ADARB2: variants seen among roughly 807,000 people sequenced by gnomAD.
ADARB2 encodes the protein inactive double-stranded RNA-specific editase B2.
In ADARB2, 25 loss-of-function variants were observed where a neutral mutation model predicts 62.2. The ratio of observed to expected loss-of-function variants is 0.40; its 90% CI spans 0.29 to 0.56. ADARB2 has a LOEUF of 0.56. Ranked by LOEUF, ADARB2 falls within the 20% of genes least tolerant of loss-of-function variation. The pLI, the probability that ADARB2 is intolerant of heterozygous loss-of-function variation, is 0.43. For synonymous variants in ADARB2, 572 were observed against 500.8 expected, an observed-to-expected ratio of 1.14 and a Z score of -1.90; for missense variants, 1,071 against 1,077.4, an observed-to-expected ratio of 0.99 and a Z score of 0.08.
At chr10:1,709,824 G>C (rs1371894288) in intron 1 of ADARB2, among the ~76,000 whole-genome samples, 1 of 152,198 alleles carries the variant, frequency 6.6e-6, no homozygotes, top group African/African-American at 2.4e-5. Context: ...TAGCAGCTCA[G>C]CTGTGTTATT....
rs1194149703 is a variant in ADARB2, at chr10:1,704,244, C to T, written c.100+32807G>A. 1.3e-5 allele frequency among the ~76,000 whole-genome samples: 2 copies of T among 152,106 alleles called. No individual in the cohort carries two copies. The highest frequency in any genetic ancestry group is 4.8e-5 in the African/African-American group (2 of 41,426). On this transcript the variant is annotated intron_variant, in intron 1 of 9. Transcript: ENST00000381312. This position sits in a 1 kb window ranked among gnomAD's most constrained non-coding sequence, Gnocchi z 5.6. ...ATTCAAGCACATTATATTTATTGTG[C>T]ACTTTATTTCTATTAATATTACATT...
intron 1 of ADARB2, among the ~76,000 whole-genome samples, chr10:1,581,135 C>T (rs1252145925): frequency 2.6e-5 from 4 of 152,328 alleles, no homozygotes; most frequent in Non-Finnish European, 4.4e-5. Context: ...TCTATATCCT[C>T]GCCAATACAC....
intron 1 of ADARB2, among the ~76,000 whole-genome samples, chr10:1,547,481 C>T (rs1170885628): frequency 1.3e-4 from 3 of 22,692 alleles, no homozygotes; most frequent in Admixed American, 7.1e-4. Flanking sequence ...GCTGCACTGG[C>T]GTATGCACTG....
chr10:1,563,574 C>A (rs1404321926), intron 1 of ADARB2, among the ~76,000 whole-genome samples: 1 of 152,128 alleles, frequency 6.6e-6, no homozygotes, highest in African/African-American at 2.4e-5. Context: ...AAACAGAAGG[C>A]TGACTTGAGG....
Position 1,390,640 on chromosome 10 carries a change from C to T in ADARB2, c.101-11480G>A, listed in dbSNP as rs567029802. ...CCTCTACTTATCGGACTTTGGGTTT[C>T]CGTTTTCTTTTTTATTCCCCCTATT... is the stretch of plus-strand genomic sequence containing the variant. On this transcript the variant is annotated intron_variant, in intron 1 of 9. Coordinates refer to ENST00000381312, the MANE Select transcript of ADARB2 (RefSeq NM_018702.4). Among the ~76,000 whole-genome samples the T allele has an allele frequency of 3.3e-5, 5 of 152,262 alleles. No homozygotes were observed. In the South Asian group the frequency reaches 1.0e-3, roughly 32 times the overall value.
intron 1 of ADARB2, among the ~76,000 whole-genome samples, chr10:1,413,147 A>G (rs1399238507): frequency 6.6e-6 from 1 of 152,134 alleles, no homozygotes; most frequent in East Asian, 1.9e-4. Context: ...GTTAGAATCC[A>G]CCCAGGTGGC....
intron 3 of ADARB2, among the ~76,000 whole-genome samples, chr10:1,295,591 CCT>C (rs1295550318): frequency 4.0e-5 from 6 of 151,380 alleles, no homozygotes; most frequent in Admixed American, 1.3e-4. Flanking sequence ...GACGTGTGCG[CCT>C]CTGTTTCTTC....
In ADARB2 at chr10:1,371,346, A is replaced by G. The variant is rs370416316; in HGVS notation, c.188-7429T>C. Among the ~76,000 whole-genome samples, 230 of 152,350 alleles carry G rather than the reference A, an allele frequency of 1.5e-3. 5 individuals are homozygous for G. The South Asian group carries it at 0.046, about 31-fold the overall frequency. On this transcript the variant is annotated intron_variant, in intron 2 of 9. Transcript: ENST00000381312. ...GACCTGAAACTATAAAAATCCTACA[A>G]GAAAACCTAGGAAAAACTTCTGGAC... is the stretch of plus-strand genomic sequence containing the variant.
At chr10:1,690,074 G>T (rs916363390) in intron 1 of ADARB2, among the ~76,000 whole-genome samples, 2 of 152,204 alleles carry the variant, frequency 1.3e-5, no homozygotes, top group African/African-American at 4.8e-5. Flanking sequence ...GGGAAGAAAA[G>T]AAAGCATTGC....
intron 1 of ADARB2, among the ~76,000 whole-genome samples, chr10:1,439,895 G>A (rs1359571694): frequency 1.3e-5 from 2 of 148,830 alleles, no homozygotes; most frequent in African/African-American, 2.5e-5. Context: ...TCACTATGGG[G>A]CTCCTGAGTC....
At chr10:1,542,194 A>C (rs1401803302) in intron 1 of ADARB2, among the ~76,000 whole-genome samples, 2 of 13,792 alleles carry the variant, frequency 1.5e-4, no homozygotes, top group Non-Finnish European at 1.8e-4. Flanking sequence ...CGCCCAGACC[A>C]CACTCAGATA....
Position 1,509,459 on chromosome 10 carries a change from G to C in ADARB2, c.101-130299C>G, listed in dbSNP as rs534078149. Among the ~76,000 whole-genome samples, 3 of 152,280 alleles carry C rather than the reference G, an allele frequency of 2.0e-5. No homozygotes were observed. The East Asian group carries it at 5.8e-4, about 29-fold the overall frequency. ...CAAATCCTTCAAAGAATTTGTACAG[G>C]ATATTGGAAATGATATTCACCCGGG... On this transcript the variant is annotated intron_variant, in intron 1 of 9. Transcript: ENST00000381312.
At chr10:1,372,129 C>T (rs1380684703) in intron 2 of ADARB2, among the ~76,000 whole-genome samples, 1 of 152,120 alleles carries the variant, frequency 6.6e-6, no homozygotes, top group East Asian at 1.9e-4. Flanking sequence ...ACCATGTATC[C>T]ATAAAAAAGG....
chr10:1,316,499 C>T (rs1477975796), intron 3 of ADARB2, among the ~76,000 whole-genome samples: 1 of 152,218 alleles, frequency 6.6e-6, no homozygotes, highest in Non-Finnish European at 1.5e-5. Context: ...TTCCAGAGTC[C>T]CCTTTTTGGT....
At chr10:1,495,801 CCAT>C (rs1356663589) in intron 1 of ADARB2, among the ~76,000 whole-genome samples, 1 of 150,310 alleles carries the variant, frequency 6.7e-6, no homozygotes, top group African/African-American at 2.4e-5. Context: ...AACATCATCA[CCAT>C]CATCATCACT....
intron 6 of ADARB2, among the ~76,000 whole-genome samples, chr10:1,217,514 G>A (rs186057973): frequency 6.6e-6 from 1 of 152,316 alleles, no homozygotes; most frequent in Non-Finnish European, 1.5e-5. Flanking sequence ...CGTTTTCAGA[G>A]GTTGTGAAAC....
At chr10:1,564,871 T>A (rs1272633429) in intron 1 of ADARB2, among the ~76,000 whole-genome samples, 1 of 151,802 alleles carries the variant, frequency 6.6e-6, no homozygotes, top group Non-Finnish European at 1.5e-5. Context: ...GCTCTTAGGG[T>A]CAGTGGGCCG....
intron 3 of ADARB2, among the ~76,000 whole-genome samples, chr10:1,348,607 C>T (rs1246013941): frequency 6.6e-6 from 1 of 152,208 alleles, no homozygotes; most frequent in African/African-American, 2.4e-5. Flanking sequence ...CTCCTCCTCC[C>T]ACCCCCTCTG....
At chr10:1,531,422 C>G (rs1488905699) in intron 1 of ADARB2, among the ~76,000 whole-genome samples, 1 of 152,210 alleles carries the variant, frequency 6.6e-6, no homozygotes, top group Admixed American at 6.5e-5. Flanking sequence ...AATTAAAAAT[C>G]CTCCTTCCAG....
Sources: gnomAD v4.1 joint callset for allele counts (sites outside exome capture counted in the v4.1 genomes callset) on GRCh38, gnomAD v4.1.1 for gene constraint, Gnocchi (gnomAD v3.1) non-coding constraint, MANE v1.5 for transcripts, NCBI Gene and HGNC (gene_info 2026-07-23, HGNC 2026-07-21) for gene names.